The following NKX6-3 variants were observed in gnomAD, a reference collection of about 807,000 sequenced individuals.
The protein encoded by NKX6-3 is homeobox protein Nkx-6.3.
In NKX6-3, 17 loss-of-function variants were observed where a neutral mutation model predicts 22.0. The observed-to-expected ratio is 0.77, with a 90% CI of 0.53 to 1.16. NKX6-3 has a LOEUF of 1.16. Ranked by LOEUF, NKX6-3 falls within the 50% of genes most tolerant of loss-of-function variation. The pLI is 0.00. For missense variants in NKX6-3, 363 were observed against 359.0 expected, an observed-to-expected ratio of 1.01 and a Z score of -0.09; for synonymous variants, 177 against 167.2, an observed-to-expected ratio of 1.06 and a Z score of -0.45.
At chr8:41,648,499 T>C (rs915670846) in intron 1 of NKX6-3, among the ~76,000 whole-genome samples, 1 of 152,156 alleles carries the variant, frequency 6.6e-6, no homozygotes, top group Non-Finnish European at 1.5e-5. Flanking sequence ...TGCCTCTCTG[T>C]CTAAAGTTCT....
chr8:41,647,435 G>GT, intron 2 of NKX6-3: 1 of 1,393,866 alleles, frequency 7.2e-7, no homozygotes, highest in South Asian at 1.3e-5. Flanking sequence ...GTAGAAACCG[G>GT]TTTCCCCGGG....
rs539693934 is a variant in NKX6-3 at position 41,647,105 on chromosome 8, C to A, written c.553-411G>T. ...CTACTCTGGGCTTCATAGACCCTCA[C>A]CCTACTTCATAAATAATTGTTCCCC... On this transcript the variant is annotated intron_variant, in intron 2 of 2. Coordinates refer to ENST00000518699, the MANE Select transcript of NKX6-3 (RefSeq NM_001364841.2). 1.3e-4 allele frequency: 179 copies of A among 1,421,814 alleles called. 2 individuals are homozygous for A. In the East Asian group the frequency reaches 4.3e-3, roughly 34 times the overall value. The allele number at this position is 1,421,814 out of a possible 1,614,324, so 88.1% of individuals were successfully genotyped here. A position where few individuals can be genotyped will look rare whatever the true frequency, so the allele number is the denominator to read the frequency against.
intron 2 of NKX6-3, among the ~76,000 whole-genome samples, 161 bp from the exon 3 acceptor site, chr8:41,646,855 C>T (rs1207753864): frequency 6.8e-6 from 1 of 147,358 alleles, no homozygotes; most frequent in Non-Finnish European, 1.5e-5. Flanking sequence ...AACGTGAGCG[C>T]GGCAGCCCTC....
At chr8:41,648,549 G>C (rs1804256353) in intron 1 of NKX6-3, among the ~76,000 whole-genome samples, 1 of 152,196 alleles carries the variant, frequency 6.6e-6, no homozygotes, top group Non-Finnish European at 1.5e-5. Context: ...GGGGCAACAG[G>C]AGTTCCCTCT....
At chr8:41,649,037 G>C (rs746729364) in intron 1 of NKX6-3, among the ~76,000 whole-genome samples, 58 of 152,216 alleles carry the variant, frequency 3.8e-4, no homozygotes, top group Non-Finnish European at 5.9e-4. Flanking sequence ...CAGGACTGAA[G>C]AGGTGGTGTG....
At chr8:41,646,922 T>TCCCC (rs1563289557) in intron 2 of NKX6-3, among the ~76,000 whole-genome samples, 5 of 1,662 alleles carry the variant, frequency 3.0e-3, no homozygotes, top group African/African-American at 3.6e-3. Context: ...CTCCTCCCCC[T>TCCCC]CTCCCTCCCC....
At position 41,645,498 on chromosome 8, in the gene NKX6-3, C is replaced by T. The variant is rs1804181349; in HGVS notation, c.*951G>A. The T allele has an allele frequency of 6.6e-6, 1 of 152,360 alleles. No individual in the cohort carries two copies. The highest frequency in any genetic ancestry group is 1.5e-5 in the Non-Finnish European group (1 of 68,132). The allele number at this position is 152,360 out of a possible 1,614,324, so 9.4% of individuals were successfully genotyped here. A position where few individuals can be genotyped will look rare whatever the true frequency, so the allele number is the denominator to read the frequency against. On this transcript the variant is annotated 3_prime_UTR_variant, in exon 3 of 3. Coordinates refer to ENST00000518699, the MANE Select transcript of NKX6-3 (RefSeq NM_001364841.2). ...CCGGAGGGGCTGTCCTTCTCCCTTC[C>T]TGCCTTGTTGGAGGGGTGCCGTTCT...
Position 41,646,491 on chromosome 8 carries a change from G to A in NKX6-3, c.756C>T (p.Arg252=). ...CCAGGCTGAGCACCGAGAAGGCGGCGCGGTGCTTGCGCAGCAGCAGGCGGA... is the reference window on the plus strand; with the variant it reads ...CCAGGCTGAGCACCGAGAAGGCGGCACGGTGCTTGCGCAGCAGCAGGCGGA... The part of the protein sequence containing the change: ...EKIRLLLRKH[R]AAFSVLSLGA... Residue 252 remains arginine (R), a synonymous_variant, in exon 3 of 3, where the codon CGC becomes CGT. Transcript: ENST00000518699. 1 of 1,609,526 alleles carries A rather than the reference G, an allele frequency of 6.2e-7. No individual in the cohort carries two copies. The highest frequency in any genetic ancestry group is 2.2e-5 in the East Asian group (1 of 44,706).
chr8:41,647,678 T>G (rs1255820397), intron 2 of NKX6-3, among the ~76,000 whole-genome samples: 1 of 152,016 alleles, frequency 6.6e-6, no homozygotes, highest in African/African-American at 2.4e-5. Context: ...GTGCTTGGAA[T>G]TTTTGGCCAA....
intron 2 of NKX6-3, chr8:41,647,368 C>T (rs1204763741): frequency 7.8e-6 from 12 of 1,543,102 alleles, no homozygotes; most frequent in Non-Finnish European, 9.6e-6. Flanking sequence ...TTAGGCCCGT[C>T]GCCGAGTCAC....
chr8:41,650,341 G>C lies in NKX6-3; in HGVS notation c.152C>G (p.Thr51Ser), dbSNP rs766706383. ...CAGGATGTCCGTGATCCCGTGGGGGGTTCCGGCGGCCAGCTGGGGGCCCAG... is the reference window on the plus strand; with the variant it reads ...CAGGATGTCCGTGATCCCGTGGGGGCTTCCGGCGGCCAGCTGGGGGCCCAG... ...PGLGPQLAAG[T>S]PHGITDILSR... Residue 51 changes from threonine to serine, a missense_variant, in exon 1 of 3, where the codon ACC becomes AGC. This residue lies in a region of NKX6-3 where 175 missense variants were observed against 160.9 expected (regional missense o/e 1.09). Transcript: ENST00000518699. 1.0e-5 allele frequency: 16 copies of C among 1,535,006 alleles called. No individual in the cohort carries two copies. In the African/African-American group the frequency reaches 1.5e-4, roughly 14 times the overall value.
chr8:41,646,368 G>A lies in NKX6-3; in HGVS notation c.*81C>T. 2.7e-6 allele frequency: 4 copies of A among 1,492,684 alleles called. No homozygotes were observed. The highest frequency in any genetic ancestry group is 5.0e-5 in the East Asian group (2 of 40,380). The allele number at this position is 1,492,684 out of a possible 1,614,324, so 92.5% of individuals were successfully genotyped here. ...ACTCAGTCCCTGCGCCCCCAGGAGC[G>A]TGGGGAAGGGGAGGGGAAGGTAGGC... On this transcript the variant is annotated 3_prime_UTR_variant, in exon 3 of 3. Transcript: ENST00000518699.
intron 1 of NKX6-3, among the ~76,000 whole-genome samples, chr8:41,649,596 G>T (rs532496713): frequency 6.6e-6 from 1 of 152,188 alleles, no homozygotes; most frequent in South Asian, 2.1e-4. Flanking sequence ...CTAGAAACCC[G>T]AGGATGTGGT....
chr8:41,647,042 A>C, intron 2 of NKX6-3: 1 of 806,442 alleles, frequency 1.2e-6, no homozygotes, highest in South Asian at 1.6e-5. Context: ...TGGAAGGCTT[A>C]GCCCCGGTGC....
intron 2 of NKX6-3, chr8:41,647,411 C>A: frequency 6.6e-7 from 1 of 1,507,100 alleles, no homozygotes; most frequent in Admixed American, 2.5e-5. Context: ...AAGTTGCCCC[C>A]AGACTCTAAG....
intron 1 of NKX6-3, 61 bp downstream of exon 1, chr8:41,650,050 G>A: frequency 2.0e-6 from 3 of 1,479,886 alleles, no homozygotes; most frequent in South Asian, 1.3e-5. Context: ...GCCCCTCCTC[G>A]TCCTCTGCCC....
chr8:41,650,554 T>C lies in NKX6-3; in HGVS notation c.-62A>G. 6.8e-7 allele frequency: 1 copy of C among 1,479,558 alleles called. No homozygotes were observed. Among genetic ancestry groups the C allele is most frequent in the South Asian group, 1.3e-5 (1 of 78,648 alleles). The allele number at this position is 1,479,558 out of a possible 1,614,324, so 91.7% of individuals were successfully genotyped here. A position where few individuals can be genotyped will look rare whatever the true frequency, so the allele number is the denominator to read the frequency against. On this transcript the variant is annotated 5_prime_UTR_variant, in exon 1 of 3. Coordinates refer to ENST00000518699, the MANE Select transcript of NKX6-3 (RefSeq NM_001364841.2). ...CCCTAAAACCCAAGAGCCCACTCTC[T>C]AGCCCCAAATCTCATGGCAGGCCTG... is the stretch of plus-strand genomic sequence containing the variant.
At position 41,650,372 on chromosome 8, in the gene NKX6-3, G is replaced by T. The variant is rs751853278; in HGVS notation, c.121C>A (p.Pro41Thr). 1.3e-6 allele frequency: 2 copies of T among 1,535,144 alleles called. No homozygotes were observed. The highest frequency in any genetic ancestry group is 8.7e-7 in the Non-Finnish European group (1 of 1,146,296). ...GCGGCCAGCTGGGGGCCCAGCCCTG[G>T]GGGGCTGAGCTTGTAGAAGGAGTTC... ...VQNSFYKLSP[P>T]GLGPQLAAGT... Residue 41 changes from proline (P) to threonine (T), a missense_variant, in exon 1 of 3, where the codon CCA (proline) becomes ACA (threonine). Pro to Thr is a conservative substitution (Grantham distance 38). This residue lies in a region of NKX6-3 where 175 missense variants were observed against 160.9 expected (regional missense o/e 1.09). Transcript: ENST00000518699.
Position 41,646,291 on chromosome 8 carries a change from T to A in NKX6-3, c.*158A>T. 6 of 903,536 alleles carry A rather than the reference T, an allele frequency of 6.6e-6. No individual in the cohort carries two copies. The highest frequency in any genetic ancestry group is 8.1e-6 in the Non-Finnish European group (5 of 619,272). The allele number at this position is 903,536 out of a possible 1,614,324, so 56.0% of individuals were successfully genotyped here. ...CCTCCTCCTCCCCCGCCTCCCCTCC[T>A]CCTCCCCTGCACCTGCTGCTCCTCC... On this transcript the variant is annotated 3_prime_UTR_variant, in exon 3 of 3. Transcript: ENST00000518699.
Sources: allele counts gnomAD v4.1 joint callset (sites outside exome capture counted in the v4.1 genomes callset), GRCh38; gene constraint gnomAD v4.1.1; regional missense constraint gnomAD v4.1.1; transcripts MANE v1.5; gene names NCBI Gene and HGNC (gene_info 2026-07-23, HGNC 2026-07-21).